The following ANK2 variants were observed in gnomAD, a reference collection of about 807,000 sequenced individuals.
ANK2 encodes ankyrin-2.
ANK2 carries 83 observed loss-of-function variants against 360.5 expected under a neutral mutation model. The ratio of observed to expected loss-of-function variants is 0.23; its 90% confidence interval spans 0.19 to 0.28. The LOEUF (loss-of-function observed/expected upper bound fraction) is 0.28, where lower values mean the gene tolerates loss of function less well. Among genes scored for constraint, ANK2 ranks in the 10% least tolerant of loss-of-function variants. ANK2 has a pLI of 1.00. For missense variants in ANK2, 4,201 were observed against 4,795.7 expected, an observed-to-expected ratio of 0.88 and a Z score of 3.66; for synonymous variants, 1,740 against 1,759.5, an observed-to-expected ratio of 0.99 and a Z score of 0.28.
chr4:112,900,451 G>A (rs1399767780), intron 1 of ANK2, among the ~76,000 whole-genome samples: 1 of 152,068 alleles, frequency 6.6e-6, no homozygotes, highest in African/African-American at 2.4e-5. Flanking sequence ...CACATATAGG[G>A]GAGTGTGATT....
At chr4:112,872,632 T>C (rs2073605037) in intron 1 of ANK2, among the ~76,000 whole-genome samples, 1 of 152,194 alleles carries the variant, frequency 6.6e-6, no homozygotes, top group Non-Finnish European at 1.5e-5. Context: ...CCACCACACC[T>C]GGTGCATCTG....
At chr4:113,076,118 C>CT (rs569828921) in intron 1 of ANK2, among the ~76,000 whole-genome samples, 46 of 152,322 alleles carry the variant, frequency 3.0e-4, no homozygotes, top group Non-Finnish European at 6.0e-4. Flanking sequence ...GGTATCCAAT[C>CT]TTTTGGCTTC....
At chr4:113,374,109 A>AT (rs2096841936) in intron 45 of ANK2, among the ~76,000 whole-genome samples, 1 of 152,128 alleles carries the variant, frequency 6.6e-6, no homozygotes, top group African/African-American at 2.4e-5. Context: ...TTTTTAGTAG[A>AT]AACAGCATTT....
intron 1 of ANK2, among the ~76,000 whole-genome samples, chr4:112,838,351 G>A (rs62317066): frequency 0.1 from 15,168 of 152,206 alleles, 960 homozygotes; most frequent in Non-Finnish European, 0.14. Context: ...CCAGCCTCGG[G>A]TAGTATCTTT....
At chr4:113,242,856 G>C (rs2040747867) in intron 9 of ANK2, among the ~76,000 whole-genome samples, 1 of 152,054 alleles carries the variant, frequency 6.6e-6, no homozygotes, top group Non-Finnish European at 1.5e-5. Flanking sequence ...GCAGAATAAA[G>C]GCAAACTGCC....
chr4:112,885,690 G>A (rs1196922357), intron 1 of ANK2, among the ~76,000 whole-genome samples: 1 of 148,910 alleles, frequency 6.7e-6, no homozygotes, highest in Non-Finnish European at 1.5e-5. Context: ...CCAGCTACTC[G>A]GAAGGCTGTG....
At chr4:112,763,722 C>T in the ANK2 span, among the ~76,000 whole-genome samples, 5 of 145,928 alleles carry the variant, frequency 3.4e-5, no homozygotes, top group Non-Finnish European at 7.5e-5. Flanking sequence ...TTAGTAGAGA[C>T]GGGGTTTCAC....
chr4:112,996,847 T>C (rs2048702644), intron 2 of ANK2, among the ~76,000 whole-genome samples: 1 of 152,126 alleles, frequency 6.6e-6, no homozygotes, highest in African/African-American at 2.4e-5. Context: ...TTTTATTCAT[T>C]ATTTCTAATT....
the ANK2 span, among the ~76,000 whole-genome samples, chr4:112,736,424 C>T: frequency 1.3e-5 from 2 of 149,888 alleles, no homozygotes; most frequent in Non-Finnish European, 3.0e-5. Context: ...GAGATTGCTC[C>T]ACCGCACTCC....
chr4:112,977,976 G>A (rs1297685801), intron 2 of ANK2, among the ~76,000 whole-genome samples: 1 of 152,170 alleles, frequency 6.6e-6, no homozygotes. Flanking sequence ...GGGTGTGGTG[G>A]CTCACGCCTG....
chr4:113,318,361 T>G (rs2084066416), intron 25 of ANK2, among the ~76,000 whole-genome samples, 156 bp from the exon 26 acceptor site: 1 of 152,246 alleles, frequency 6.6e-6, no homozygotes, highest in Non-Finnish European at 1.5e-5. Context: ...AGAATGCATT[T>G]TAAAAGATTC....
intron 2 of ANK2, among the ~76,000 whole-genome samples, chr4:112,944,486 C>A (rs2094434487): frequency 6.6e-6 from 1 of 152,162 alleles, no homozygotes; most frequent in African/African-American, 2.4e-5. Flanking sequence ...TACATGTAAT[C>A]ATTGCTACAG....
At chr4:112,974,111 G>T (rs2040534976) in intron 2 of ANK2, among the ~76,000 whole-genome samples, 1 of 152,164 alleles carries the variant, frequency 6.6e-6, no homozygotes, top group Non-Finnish European at 1.5e-5. Flanking sequence ...AGACCCATCT[G>T]CTGGGAGTTT....
At position 113,255,873 on chromosome 4, in the gene ANK2, C is replaced by T. The variant is rs182536026; in HGVS notation, c.1129C>T (p.His377Tyr). 6.2e-7 allele frequency: 1 copy of T among 1,614,220 alleles called. No individual in the cohort carries two copies. Among genetic ancestry groups the T allele is most frequent in the Non-Finnish European group, 8.5e-7 (1 of 1,180,044 alleles). ...CCTCCACGTTGCTGCGCACTGTGGCCACTACCGTGTAACCAAACTCCTTTT... is the reference window on the plus strand; with the variant it reads ...CCTCCACGTTGCTGCGCACTGTGGCTACTACCGTGTAACCAAACTCCTTTT... ...TALHVAAHCGHYRVTKLLLDK... is the reference protein window; with the variant it reads ...TALHVAAHCGYYRVTKLLLDK... Residue 377 changes from histidine (H) to tyrosine (Y), a missense_variant, in exon 11 of 46, where the codon CAC becomes TAC. Physicochemically the swap from His to Tyr is moderately conservative, Grantham distance 83. Coordinates refer to ENST00000357077, the MANE Select transcript of ANK2 (RefSeq NM_001148.6).
chr4:113,109,299 C>T (rs980847383), intron 1 of ANK2, among the ~76,000 whole-genome samples: 1 of 152,154 alleles, frequency 6.6e-6, no homozygotes. Flanking sequence ...ATCTGTTTCT[C>T]TCTTTTGTTG....
chr4:113,117,286 C>A, intron 1 of ANK2: 1 of 455,884 alleles, frequency 2.2e-6, no homozygotes, highest in South Asian at 1.5e-5. Flanking sequence ...ATTTCCTCTG[C>A]AAAATGGCTC....
At chr4:113,324,398 G>T (rs573036437) in intron 26 of ANK2, among the ~76,000 whole-genome samples, 5 of 152,044 alleles carry the variant, frequency 3.3e-5, no homozygotes, top group African/African-American at 4.8e-5. Flanking sequence ...ATTTTTAAAG[G>T]TTCCTATTAG....
chr4:113,099,547 T>G (rs1179834561), intron 1 of ANK2, among the ~76,000 whole-genome samples: 1 of 152,030 alleles, frequency 6.6e-6, no homozygotes, highest in Non-Finnish European at 1.5e-5. Context: ...TATTAAGATT[T>G]CACTTCTTCT....
chr4:113,047,679 T>A (rs545136871), upstream of ANK2, among the ~76,000 whole-genome samples: 197 of 151,610 alleles, frequency 1.3e-3, no homozygotes, highest in Non-Finnish European at 2.5e-3. Flanking sequence ...GGTTTTGTTT[T>A]AAAAAAAAAG....
Sources: gnomAD v4.1 joint callset for allele counts (sites outside exome capture counted in the v4.1 genomes callset) on GRCh38, gnomAD v4.1.1 for gene constraint, MANE v1.5 for transcripts, NCBI Gene and HGNC (gene_info 2026-07-23, HGNC 2026-07-21) for gene names.